Variants in PTPRD observed in about 807,000 individuals in gnomAD.
PTPRD encodes the protein receptor-type tyrosine-protein phosphatase delta.
PTPRD carries 34 observed loss-of-function variants against 214.5 expected under a neutral mutation model. That is an observed-to-expected ratio of 0.16 (90% CI 0.12 to 0.21). The LOEUF (loss-of-function observed/expected upper bound fraction) is 0.21, where lower values mean the gene tolerates loss of function less well. Ranked by LOEUF, PTPRD falls within the 10% of genes least tolerant of loss-of-function variation. The pLI is 1.00. For missense variants in PTPRD, 2,545 were observed against 2,398.7 expected, an observed-to-expected ratio of 1.06 and a Z score of -1.27; for synonymous variants, 1,128 against 845.7, an observed-to-expected ratio of 1.33 and a Z score of -5.79.
chr9:9,366,121 C>G (rs940971085), intron 9 of PTPRD, among the ~76,000 whole-genome samples: 3 of 151,238 alleles, frequency 2.0e-5, no homozygotes, highest in Non-Finnish European at 3.0e-5. Flanking sequence ...TAATGAACAC[C>G]AGATCATATA....
At chr9:8,901,241 T>C (rs1025429001) in intron 11 of PTPRD, among the ~76,000 whole-genome samples, 4 of 152,192 alleles carry the variant, frequency 2.6e-5, no homozygotes, top group Non-Finnish European at 4.4e-5. Flanking sequence ...TTCTGTACTC[T>C]GATTGTTTCT....
intron 2 of PTPRD, among the ~76,000 whole-genome samples, chr9:10,392,438 G>T (rs937168649): frequency 1.3e-5 from 2 of 151,788 alleles, no homozygotes; most frequent in Non-Finnish European, 2.9e-5. Context: ...CAATTTGAGG[G>T]ATAAAAACTC....
chr9:9,807,270 T>A (rs1373526378), intron 5 of PTPRD, among the ~76,000 whole-genome samples: 1 of 152,154 alleles, frequency 6.6e-6, no homozygotes, highest in African/African-American at 2.4e-5. Context: ...GAAGATACCC[T>A]ACAAATGTGC....
intron 11 of PTPRD, among the ~76,000 whole-genome samples, chr9:8,819,800 G>T (rs1000301570): frequency 6.6e-6 from 1 of 152,086 alleles, no homozygotes; most frequent in Non-Finnish European, 1.5e-5. Flanking sequence ...GTTGATAGCC[G>T]GAATTAACCA....
intron 5 of PTPRD, among the ~76,000 whole-genome samples, chr9:9,796,268 CT>C (rs1474100868): frequency 2.0e-5 from 3 of 152,234 alleles, no homozygotes; most frequent in Admixed American, 1.3e-4. Flanking sequence ...GCTAATACTT[CT>C]TAATCCAGTT....
intron 39 of PTPRD, among the ~76,000 whole-genome samples, chr9:8,347,091 G>C (rs112084932): frequency 3.1e-5 from 4 of 128,046 alleles, no homozygotes; most frequent in African/African-American, 8.5e-5. Flanking sequence ...CCTGCGGATA[G>C]AGGGGGACTA....
At chr9:10,100,712 A>G (rs1475508377) in intron 3 of PTPRD, among the ~76,000 whole-genome samples, 1 of 151,640 alleles carries the variant, frequency 6.6e-6, no homozygotes, top group African/African-American at 2.4e-5. Flanking sequence ...AGAAGAATGA[A>G]TATATATTGA....
At chr9:8,941,270 A>G (rs2099032273) in intron 11 of PTPRD, among the ~76,000 whole-genome samples, 1 of 151,622 alleles carries the variant, frequency 6.6e-6, no homozygotes, top group Non-Finnish European at 1.5e-5. Context: ...CTAAAACACT[A>G]AAGTAAAAGC....
At chr9:8,992,237 G>T (rs1159893108) in intron 11 of PTPRD, among the ~76,000 whole-genome samples, 1 of 152,134 alleles carries the variant, frequency 6.6e-6, no homozygotes, top group Non-Finnish European at 1.5e-5. Context: ...AACTGTAAGA[G>T]TGACACCCCA....
Position 10,488,239 on chromosome 9 carries a change from C to A in PTPRD, c.-600+124159G>T, listed in dbSNP as rs529423598. On this transcript the variant is annotated intron_variant, in intron 2 of 45. Coordinates refer to ENST00000381196, the MANE Select transcript of PTPRD (RefSeq NM_002839.4). ...AAAATTAGCTGGGCGCGGTGGCGGG[C>A]GCCTGTAGTCCCAGCTACTCAGGAG... Among the ~76,000 whole-genome samples the A allele has an allele frequency of 2.0e-5, 3 of 151,880 alleles. No individual in the cohort carries two copies. The East Asian group carries it at 5.8e-4, about 30-fold the overall frequency.
At chr9:10,271,033 C>T (rs2094389604) in intron 3 of PTPRD, among the ~76,000 whole-genome samples, 1 of 151,938 alleles carries the variant, frequency 6.6e-6, no homozygotes, top group Non-Finnish European at 1.5e-5. Flanking sequence ...CTATGTTGCC[C>T]AGGTTGGTCT....
At chr9:10,423,868 A>G (rs1806222633) in intron 2 of PTPRD, among the ~76,000 whole-genome samples, 1 of 151,992 alleles carries the variant, frequency 6.6e-6, no homozygotes, top group Admixed American at 6.6e-5. Context: ...TTTTGGAAAT[A>G]AGTTGGAACC....
intron 14 of PTPRD, among the ~76,000 whole-genome samples, chr9:8,554,977 T>C (rs1282385806): frequency 6.9e-6 from 1 of 145,898 alleles, no homozygotes; most frequent in Non-Finnish European, 1.5e-5. Flanking sequence ...AATCCAATTA[T>C]GTATATATAC....
At chr9:9,511,900 C>T in intron 8 of PTPRD, among the ~76,000 whole-genome samples, 1 of 151,664 alleles carries the variant, frequency 6.6e-6, no homozygotes, top group East Asian at 1.9e-4. Flanking sequence ...GCAAATTTTT[C>T]ATAGAAGACC....
intron 3 of PTPRD, among the ~76,000 whole-genome samples, chr9:10,195,098 A>AT (rs34900305): frequency 0.35 from 34,339 of 98,222 alleles, 6,494 homozygotes; most frequent in Admixed American, 0.45. Context: ...ATACCCGGCT[A>AT]TTTTTTTTTT....
chr9:8,843,812 G>C (rs563025733), intron 11 of PTPRD, among the ~76,000 whole-genome samples: 30 of 152,236 alleles, frequency 2.0e-4, no homozygotes, highest in Non-Finnish European at 3.8e-4. Context: ...AACAAAGACA[G>C]TGTCAAGCCC....
At chr9:8,916,273 GGAGA>G (rs139488962) in intron 11 of PTPRD, among the ~76,000 whole-genome samples, 1 of 151,562 alleles carries the variant, frequency 6.6e-6, no homozygotes, top group African/African-American at 2.4e-5. Context: ...TTACTGTAGA[GGAGA>G]GAGAGAGAGA....
At chr9:9,832,545 G>A (rs1047407098) in intron 5 of PTPRD, among the ~76,000 whole-genome samples, 7 of 151,946 alleles carry the variant, frequency 4.6e-5, no homozygotes, top group African/African-American at 1.4e-4. Flanking sequence ...CAAAAATGTG[G>A]ATATCTAAGT....
chr9:9,846,819 G>A (rs1205405985), intron 5 of PTPRD, among the ~76,000 whole-genome samples: 1 of 152,044 alleles, frequency 6.6e-6, no homozygotes, highest in Non-Finnish European at 1.5e-5. Flanking sequence ...CCTTTTGATT[G>A]ACTAAAAACT....
Sources: allele counts gnomAD v4.1 joint callset (sites outside exome capture counted in the v4.1 genomes callset), GRCh38; gene constraint gnomAD v4.1.1; transcripts MANE v1.5; gene names NCBI Gene and HGNC (gene_info 2026-07-23, HGNC 2026-07-21).